Variants in ZNF438 observed in about 807,000 individuals in gnomAD.
The protein encoded by ZNF438 is zinc finger protein 438.
A neutral mutation model predicts 38.0 loss-of-function variants in ZNF438; 25 were observed. The ratio of observed to expected loss-of-function variants is 0.66; its 90% CI spans 0.48 to 0.92. The LOEUF (loss-of-function observed/expected upper bound fraction) is 0.92. Ranked by LOEUF, ZNF438 falls within the 40% of genes least tolerant of loss-of-function variation. ZNF438 has a pLI of 0.00. For missense variants in ZNF438, 1,007 were observed against 999.6 expected (o/e 1.01, Z -0.10); for synonymous variants, 372 against 364.1 (o/e 1.02, Z -0.25).
chr10:30,898,439 C>T (rs946571265), intron 3 of ZNF438, among the ~76,000 whole-genome samples: 16 of 152,076 alleles, frequency 1.1e-4, no homozygotes, highest in Non-Finnish European at 4.4e-5. Flanking sequence ...CACAGAGAAA[C>T]ATCAAATTAT....
Position 30,907,372 on chromosome 10 carries a change from C to T in ZNF438, c.-32+1561G>A, listed in dbSNP as rs140091513. On this transcript the variant is annotated intron_variant, in intron 3 of 5. Transcript: ENST00000413025. Reference sequence around the variant, plus strand: ...ATTTTTATCATGGTAATACACTGGCCTCACAGAATCAGTCAGGAAGTATTC... The same window carrying T: ...ATTTTTATCATGGTAATACACTGGCTTCACAGAATCAGTCAGGAAGTATTC... Among the ~76,000 whole-genome samples the T allele has an allele frequency of 4.1e-3, 620 of 152,232 alleles. 2 individuals are homozygous for T. The highest frequency in any genetic ancestry group is 0.014 in the African/African-American group (591 of 41,528).
chr10:30,904,142 C>A (rs2042341114), intron 3 of ZNF438, among the ~76,000 whole-genome samples: 1 of 152,146 alleles, frequency 6.6e-6, no homozygotes, highest in Non-Finnish European at 1.5e-5. Context: ...TATTTGCTAT[C>A]AGCAAATCAC....
chr10:31,005,269 A>G (rs1564836896), intron 1 of ZNF438, among the ~76,000 whole-genome samples: 1 of 152,154 alleles, frequency 6.6e-6, no homozygotes, highest in Non-Finnish European at 1.5e-5. Flanking sequence ...GTGTGTGTAC[A>G]TATGTGTGTG....
exon 5 of ZNF438, chr10:30,848,566 G>A: frequency 4.3e-6 from 7 of 1,614,096 alleles, no homozygotes; most frequent in Non-Finnish European, 5.9e-6. Flanking sequence ...GCACACTCAT[G>A]TCTCTGTTCT....
At chr10:30,938,222 G>A (rs1454887448) in intron 2 of ZNF438, among the ~76,000 whole-genome samples, 1 of 151,450 alleles carries the variant, frequency 6.6e-6, no homozygotes, top group Non-Finnish European at 1.5e-5. Flanking sequence ...GTTTGCTTGT[G>A]TTGCCAGTTC....
At chr10:30,983,861 T>C (rs922753067) in intron 1 of ZNF438, among the ~76,000 whole-genome samples, 1 of 152,216 alleles carries the variant, frequency 6.6e-6, no homozygotes, top group Non-Finnish European at 1.5e-5. Flanking sequence ...AAAAATAGTA[T>C]AGACTTCCTA....
chr10:30,877,004 C>A (rs2038531013), exon 4 of ZNF438: 2 of 1,606,016 alleles, frequency 1.2e-6, no homozygotes, highest in Non-Finnish European at 1.7e-6. Context: ...TTACCTTCAT[C>A]TTTTGGTGGT....
At chr10:30,998,647 T>C (rs2054321880) in intron 1 of ZNF438, among the ~76,000 whole-genome samples, 1 of 149,876 alleles carries the variant, frequency 6.7e-6, no homozygotes, top group Non-Finnish European at 1.5e-5. Context: ...CATAAGCTCA[T>C]GGTTATTAAA....
At chr10:30,881,524 T>G (rs183697589) in intron 3 of ZNF438, among the ~76,000 whole-genome samples, 1 of 152,094 alleles carries the variant, frequency 6.6e-6, no homozygotes, top group African/African-American at 2.4e-5. Context: ...CATTCAAAGG[T>G]TGGAAGACTC....
chr10:30,984,398 A>AGAT (rs1447541602), intron 1 of ZNF438: 3 of 152,312 alleles, frequency 2.0e-5, no homozygotes, highest in African/African-American at 7.2e-5. Context: ...TAGAGTCATA[A>AGAT]GATATACCGT....
chr10:31,029,170 CAAGTCACTTATA>C (rs749792923), intron 1 of ZNF438, among the ~76,000 whole-genome samples: 18 of 152,176 alleles, frequency 1.2e-4, no homozygotes, highest in Non-Finnish European at 2.4e-4. Flanking sequence ...TGACTTCAGA[CAAGTCACTTATA>C]ACCTCTTTTT....
At chr10:30,845,040 T>C in exon 6 of ZNF438, 4 of 1,614,102 alleles carry the variant, frequency 2.5e-6, no homozygotes, top group Non-Finnish European at 3.4e-6. Flanking sequence ...TTTGGAAGGG[T>C]CCTCACAGTT....
intron 1 of ZNF438, among the ~76,000 whole-genome samples, 196 bp from the exon 3 acceptor site, chr10:30,941,847 G>A (rs1391203380): frequency 3.3e-5 from 5 of 152,092 alleles, no homozygotes; most frequent in Non-Finnish European, 5.9e-5. Context: ...TTCTAAAATA[G>A]GAGATATATT....
Position 30,934,851 on chromosome 10 carries a change from C to T in ZNF438, c.-115+6724G>A, listed in dbSNP as rs191641060. Among the ~76,000 whole-genome samples, 497 of 152,238 alleles carry T rather than the reference C, an allele frequency of 3.3e-3. 1 individual carries two copies. The highest frequency in any genetic ancestry group is 5.4e-3 in the Non-Finnish European group (366 of 68,012). ...TGAAAACAGGTACTTGATATGTTGC[C>T]AGGACATTATCTACTACACTGAGGT... On this transcript the variant is annotated intron_variant, in intron 2 of 5. Coordinates refer to ENST00000413025, the Ensembl canonical transcript of ZNF438.
chr10:30,917,008 A>G (rs1400262134), intron 2 of ZNF438, among the ~76,000 whole-genome samples: 1 of 151,952 alleles, frequency 6.6e-6, no homozygotes, highest in Non-Finnish European at 1.5e-5. Context: ...CAAAATTTAT[A>G]TAAAATGAAA....
chr10:31,030,607 C>A (rs1192130001), intron 1 of ZNF438, among the ~76,000 whole-genome samples: 2 of 152,204 alleles, frequency 1.3e-5, no homozygotes, highest in Non-Finnish European at 2.9e-5. Flanking sequence ...AGCTAGTTAA[C>A]GAATAGAACA....
intron 2 of ZNF438, chr10:30,919,832 A>G (rs2044088346): frequency 6.6e-6 from 1 of 152,178 alleles, no homozygotes; most frequent in Non-Finnish European, 1.5e-5. Flanking sequence ...CGCCCGGCTG[A>G]CAAATTTTTA....
chr10:31,017,827 A>G (rs369424592), intron 1 of ZNF438, among the ~76,000 whole-genome samples: 4 of 152,206 alleles, frequency 2.6e-5, no homozygotes, highest in African/African-American at 7.2e-5. Context: ...AATATGAACA[A>G]AAGTAACACG....
At chr10:31,019,097 T>C (rs1339670938) in intron 1 of ZNF438, among the ~76,000 whole-genome samples, 2 of 152,192 alleles carry the variant, frequency 1.3e-5, no homozygotes. Flanking sequence ...TGGAGCAGAA[T>C]TAGCAGTCTT....
Sources: gnomAD v4.1 joint callset for allele counts (sites outside exome capture counted in the v4.1 genomes callset) on GRCh38, gnomAD v4.1.1 for gene constraint, MANE v1.5 for transcripts, NCBI Gene and HGNC (gene_info 2026-07-23, HGNC 2026-07-21) for gene names.